Variants in VTI1A observed in about 807,000 individuals in gnomAD.
VTI1A encodes the protein vesicle transport through interaction with t-SNAREs 1A.
In VTI1A, 22 loss-of-function variants were observed where a neutral mutation model predicts 34.9. The observed-to-expected ratio is 0.63, with a 90% CI of 0.45 to 0.90. The LOEUF (loss-of-function observed/expected upper bound fraction) is 0.90, where lower values mean the gene tolerates loss of function less well. Ranked by LOEUF, VTI1A falls within the 40% of genes least tolerant of loss-of-function variation. The pLI is 0.00. For missense variants in VTI1A, 268 were observed against 275.6 expected, an observed-to-expected ratio of 0.97 and a Z score of 0.20; for synonymous variants, 87 against 97.3, an observed-to-expected ratio of 0.89 and a Z score of 0.62.
At chr10:112,664,896 A>G (rs1847588293) in intron 5 of VTI1A, among the ~76,000 whole-genome samples, 1 of 152,164 alleles carries the variant, frequency 6.6e-6, no homozygotes, top group Admixed American at 6.6e-5. Context: ...AGCATACACC[A>G]TCAGTTTTCA....
intron 7 of VTI1A, among the ~76,000 whole-genome samples, chr10:112,679,454 T>A (rs1848142543): frequency 6.6e-6 from 1 of 152,148 alleles, no homozygotes; most frequent in African/African-American, 2.4e-5. Flanking sequence ...TCTCTAACAT[T>A]TTTGACAACA....
intron 3 of VTI1A, among the ~76,000 whole-genome samples, chr10:112,481,402 G>A (rs1393816961): frequency 6.6e-6 from 1 of 152,070 alleles, no homozygotes; most frequent in Non-Finnish European, 1.5e-5. Context: ...GATAGCATAC[G>A]GACTGTCTCT....
At chr10:112,712,671 T>C (rs1212154333) in intron 7 of VTI1A, among the ~76,000 whole-genome samples, 4 of 152,074 alleles carry the variant, frequency 2.6e-5, no homozygotes, top group African/African-American at 9.7e-5. Context: ...TAAGAAAAAG[T>C]GTGCATTAGG....
intron 4 of VTI1A, among the ~76,000 whole-genome samples, chr10:112,535,562 G>A (rs563549510): frequency 3.3e-4 from 50 of 152,264 alleles, no homozygotes; most frequent in African/African-American, 1.2e-3. Context: ...AGGCAGGGTT[G>A]TAGTGCATAG....
Position 112,815,643 on chromosome 10 carries a change from A to G in VTI1A, c.*260A>G, listed in dbSNP as rs1853497628. ...GTGAATGTTTATTTACCTTTTTGCT[A>G]ATGTCATCAACTAGCCAAAATAGCC... is the stretch of plus-strand genomic sequence containing the variant. On this transcript the variant is annotated 3_prime_UTR_variant, in exon 8 of 8. Coordinates refer to ENST00000393077, the MANE Select transcript of VTI1A (RefSeq NM_145206.4). 2.1e-6 allele frequency: 1 copy of G among 485,242 alleles called. No individual in the cohort carries two copies. 30.1% of individuals were successfully genotyped at this position (485,242 alleles called of 1,614,324 possible).
At chr10:112,601,201 C>T (rs906893252) in intron 5 of VTI1A, among the ~76,000 whole-genome samples, 4 of 151,992 alleles carry the variant, frequency 2.6e-5, no homozygotes, top group Non-Finnish European at 5.9e-5. Context: ...AAGGGAAAAG[C>T]ATTCTGGGTG....
At chr10:112,527,883 C>G (rs1175298352) in intron 4 of VTI1A, among the ~76,000 whole-genome samples, 1 of 152,010 alleles carries the variant, frequency 6.6e-6, no homozygotes, top group East Asian at 1.9e-4. Context: ...CCGCCTCTTT[C>G]TTTGAATTAA....
chr10:112,742,902 CTATT>C (rs1441895947), intron 7 of VTI1A, among the ~76,000 whole-genome samples: 8 of 151,932 alleles, frequency 5.3e-5, no homozygotes, highest in Non-Finnish European at 8.8e-5. Context: ...AGGAAAATAA[CTATT>C]TATTTGTAGA....
chr10:112,470,651 C>T (rs933257489), intron 3 of VTI1A, among the ~76,000 whole-genome samples: 1 of 152,168 alleles, frequency 6.6e-6, no homozygotes, highest in African/African-American at 2.4e-5. Flanking sequence ...CCGAGGCAGG[C>T]GGATCACTTG....
the VTI1A span, among the ~76,000 whole-genome samples, chr10:112,842,898 A>G: frequency 2.0e-5 from 3 of 152,170 alleles, no homozygotes; most frequent in East Asian, 1.9e-4. Context: ...AAGGGTTCCA[A>G]TACAGGGAAT....
chr10:112,773,748 G>T (rs1851879678), intron 7 of VTI1A, among the ~76,000 whole-genome samples: 1 of 152,176 alleles, frequency 6.6e-6, no homozygotes, highest in African/African-American at 2.4e-5. Context: ...AGATCTTTAG[G>T]TGTGATTTGA....
chr10:112,522,374 G>GT (rs1203638224), intron 3 of VTI1A, among the ~76,000 whole-genome samples: 1 of 151,996 alleles, frequency 6.6e-6, no homozygotes, highest in Non-Finnish European at 1.5e-5. Context: ...TTAGGAAGTA[G>GT]GACAAGCTGT....
At chr10:112,522,808 T>A (rs1417820457) in intron 3 of VTI1A, among the ~76,000 whole-genome samples, 1 of 152,090 alleles carries the variant, frequency 6.6e-6, no homozygotes, top group Non-Finnish European at 1.5e-5. Context: ...TTAATTCATA[T>A]GCAACAGAAT....
At chr10:112,845,233 C>T in the VTI1A span, among the ~76,000 whole-genome samples, 243 of 152,304 alleles carry the variant, frequency 1.6e-3, no homozygotes, top group Non-Finnish European at 2.7e-3. Flanking sequence ...GGCAGAAACC[C>T]GCACCCAACG....
chr10:112,470,992 G>A (rs1394747740), intron 3 of VTI1A, among the ~76,000 whole-genome samples: 2 of 151,952 alleles, frequency 1.3e-5, no homozygotes, highest in Non-Finnish European at 2.9e-5. Flanking sequence ...GGGTGGGGGC[G>A]CTCAGAGAAA....
At chr10:112,491,681 CT>C (rs911473328) in intron 3 of VTI1A, among the ~76,000 whole-genome samples, 3 of 152,142 alleles carry the variant, frequency 2.0e-5, no homozygotes, top group African/African-American at 7.2e-5. Flanking sequence ...ATTTTACATT[CT>C]TTTTTTCTTG....
chr10:112,810,706 C>G (rs1161290129), intron 7 of VTI1A, among the ~76,000 whole-genome samples: 1 of 152,212 alleles, frequency 6.6e-6, no homozygotes, highest in Non-Finnish European at 1.5e-5. Context: ...CAGCTGTACC[C>G]CTGGAGCTGG....
intron 7 of VTI1A, chr10:112,752,281 C>G (rs1851130100): frequency 1.2e-6 from 1 of 803,342 alleles, no homozygotes; most frequent in Non-Finnish European, 1.5e-6. Context: ...CAGCCTGGCT[C>G]CAGCCAGGGT....
chr10:112,720,640 A>G (rs1849770555), intron 7 of VTI1A, among the ~76,000 whole-genome samples: 1 of 152,204 alleles, frequency 6.6e-6, no homozygotes, highest in Non-Finnish European at 1.5e-5. Context: ...TATACGTTGA[A>G]GATGTTCTTT....
Sources: allele counts gnomAD v4.1 joint callset (sites outside exome capture counted in the v4.1 genomes callset), GRCh38; gene constraint gnomAD v4.1.1; transcripts MANE v1.5; gene names NCBI Gene and HGNC (gene_info 2026-07-23, HGNC 2026-07-21).